Variants in FSTL4 observed in about 807,000 individuals in gnomAD.
FSTL4 encodes follistatin like 4.
A neutral mutation model predicts 78.2 loss-of-function variants in FSTL4; 28 were observed. The observed-to-expected ratio is 0.36, with a 90% CI of 0.27 to 0.49. The LOEUF (loss-of-function observed/expected upper bound fraction) is 0.49. Among genes scored for constraint, FSTL4 ranks in the 20% least tolerant of loss-of-function variants. The pLI, the probability that FSTL4 is intolerant of heterozygous loss-of-function variation, is 0.98. For synonymous variants in FSTL4, 422 were observed against 440.5 expected (o/e 0.96, Z 0.53); for missense variants, 922 against 1,084.9 (o/e 0.85, Z 2.11).
At chr5:133,461,091 A>G (rs1407369794) in intron 3 of FSTL4, among the ~76,000 whole-genome samples, 1 of 152,230 alleles carries the variant, frequency 6.6e-6, no homozygotes, top group Non-Finnish European at 1.5e-5. Flanking sequence ...TTTGTTTTCA[A>G]AGGTCTAGAT....
At chr5:133,549,076 C>T (rs246416) in intron 3 of FSTL4, among the ~76,000 whole-genome samples, 10,961 of 152,158 alleles carry the variant, frequency 0.072, 539 homozygotes, top group Non-Finnish European at 0.098. Context: ...GATAGCCTTA[C>T]GTTTCTTTTT....
the FSTL4 span, among the ~76,000 whole-genome samples, chr5:133,805,200 T>C: frequency 6.6e-6 from 1 of 151,896 alleles, no homozygotes; most frequent in African/African-American, 2.4e-5. Context: ...GCCAGGCCCC[T>C]AGGGAGGCAA....
intron 3 of FSTL4, among the ~76,000 whole-genome samples, chr5:133,555,630 T>G (rs993397006): frequency 6.6e-6 from 1 of 152,226 alleles, no homozygotes; most frequent in Non-Finnish European, 1.5e-5. Context: ...AAAAGTAATA[T>G]GCCAGCACAG....
the FSTL4 span, among the ~76,000 whole-genome samples, chr5:133,769,138 G>A: frequency 1.9e-4 from 29 of 152,252 alleles, no homozygotes; most frequent in African/African-American, 5.8e-4. Flanking sequence ...TTCTTGATTC[G>A]CCCAGGTACA....
intron 6 of FSTL4, among the ~76,000 whole-genome samples, chr5:133,264,303 G>A (rs555649381): frequency 6.6e-6 from 1 of 151,934 alleles, no homozygotes; most frequent in African/African-American, 2.4e-5. Context: ...TCGTATGTTG[G>A]GAGTGGCTGC....
chr5:133,644,129 T>G, the FSTL4 span, among the ~76,000 whole-genome samples: 1 of 152,178 alleles, frequency 6.6e-6, no homozygotes, highest in African/African-American at 2.4e-5. Context: ...AGGGATGCAC[T>G]GTGCTAGGAG....
intron 3 of FSTL4, among the ~76,000 whole-genome samples, chr5:133,410,935 G>C (rs1219542424): frequency 3.3e-5 from 5 of 152,142 alleles, no homozygotes; most frequent in Admixed American, 6.5e-5. Context: ...TCAATCCCCT[G>C]GCTCAACCGA....
the FSTL4 span, among the ~76,000 whole-genome samples, chr5:133,721,441 A>G: frequency 6.6e-6 from 1 of 152,214 alleles, no homozygotes; most frequent in African/African-American, 2.4e-5. Flanking sequence ...GAACTCTCTT[A>G]AGCATTTCTT....
At chr5:133,311,926 C>T (rs537843005) in intron 6 of FSTL4, among the ~76,000 whole-genome samples, 1 of 152,310 alleles carries the variant, frequency 6.6e-6, no homozygotes, top group South Asian at 2.1e-4. Context: ...GCCCTTTCCT[C>T]TCCTCTCTGC....
the FSTL4 span, among the ~76,000 whole-genome samples, chr5:133,827,188 C>A: frequency 6.6e-6 from 1 of 152,172 alleles, no homozygotes; most frequent in Non-Finnish European, 1.5e-5. Flanking sequence ...TCTGCCTCAG[C>A]GCCCCCAGCA....
At chr5:133,352,036 C>T (rs1019736325) in intron 4 of FSTL4, among the ~76,000 whole-genome samples, 1 of 150,256 alleles carries the variant, frequency 6.7e-6, no homozygotes, top group African/African-American at 2.5e-5. Flanking sequence ...TTTTATTTTG[C>T]TTTTTTTTGT....
At chr5:133,699,173 C>T in the FSTL4 span, among the ~76,000 whole-genome samples, 5,570 of 152,140 alleles carry the variant, frequency 0.037, 166 homozygotes, top group South Asian at 0.14. Context: ...AAGGAAGGTG[C>T]CCTCACCATG....
At chr5:133,565,583 C>T (rs988258794) in intron 3 of FSTL4, among the ~76,000 whole-genome samples, 6 of 152,204 alleles carry the variant, frequency 3.9e-5, no homozygotes, top group South Asian at 2.1e-4. Context: ...CAACCATTTG[C>T]GAAGGCTGAC....
chr5:133,543,129 C>T (rs571422694), intron 3 of FSTL4, among the ~76,000 whole-genome samples: 9 of 152,296 alleles, frequency 5.9e-5, no homozygotes, highest in African/African-American at 2.2e-4. Flanking sequence ...GAGCTCACTG[C>T]AGCTTCAAAC....
the FSTL4 span, among the ~76,000 whole-genome samples, chr5:133,705,433 A>T: frequency 1.3e-5 from 2 of 152,140 alleles, no homozygotes; most frequent in African/African-American, 4.8e-5. Context: ...GGCTCCACAC[A>T]CCTCCTTCTG....
chr5:133,607,965 G>A (rs187862972), intron 1 of FSTL4, among the ~76,000 whole-genome samples: 35 of 152,256 alleles, frequency 2.3e-4, no homozygotes, highest in African/African-American at 7.7e-4. Flanking sequence ...ATCCCAGGCC[G>A]ATGCCCCTCA....
At chr5:133,356,501 G>C (rs768591727) in intron 4 of FSTL4, among the ~76,000 whole-genome samples, 1 of 152,176 alleles carries the variant, frequency 6.6e-6, no homozygotes, top group Non-Finnish European at 1.5e-5. Flanking sequence ...ACCTCCCCTG[G>C]GGAGAGGCCA....
chr5:133,238,949 C>T (rs1322980398), intron 7 of FSTL4, among the ~76,000 whole-genome samples: 1 of 152,214 alleles, frequency 6.6e-6, no homozygotes, highest in East Asian at 1.9e-4. Flanking sequence ...CTGGGCTGGC[C>T]AAGGCGGGAA....
At chr5:133,267,899 C>T (rs1026796124) in intron 6 of FSTL4, among the ~76,000 whole-genome samples, 9 of 152,258 alleles carry the variant, frequency 5.9e-5, no homozygotes, top group East Asian at 1.9e-4. Flanking sequence ...TTAGAAGGCA[C>T]GTGAGCTACA....
Sources: gnomAD v4.1 joint callset for allele counts (sites outside exome capture counted in the v4.1 genomes callset) on GRCh38, gnomAD v4.1.1 for gene constraint, MANE v1.5 for transcripts, NCBI Gene and HGNC (gene_info 2026-07-23, HGNC 2026-07-21) for gene names.